The following SH3RF3 variants were observed in gnomAD, a reference collection of about 807,000 sequenced individuals.
SH3RF3 encodes the protein E3 ubiquitin-protein ligase SH3RF3.
Under a neutral mutation model 66.3 loss-of-function variants are expected in SH3RF3, and 29 were observed. The ratio of observed to expected loss-of-function variants is 0.44; its 90% CI spans 0.33 to 0.60. The LOEUF (loss-of-function observed/expected upper bound fraction) is 0.60. Among genes scored for constraint, SH3RF3 ranks in the 20% least tolerant of loss-of-function variants. SH3RF3 has a pLI of 0.04. For missense variants in SH3RF3, 1,194 were observed against 1,190.9 expected (o/e 1.00, Z -0.04); for synonymous variants, 583 against 532.0 (o/e 1.10, Z -1.32).
intron 5 of SH3RF3, among the ~76,000 whole-genome samples, chr2:109,423,137 T>C (rs920741845): frequency 6.6e-6 from 1 of 151,894 alleles, no homozygotes; most frequent in Non-Finnish European, 1.5e-5. Context: ...ACCACCCAGA[T>C]GGCACCTGAG....
chr2:109,406,248 C>T (rs531267416), intron 4 of SH3RF3, among the ~76,000 whole-genome samples: 3 of 152,038 alleles, frequency 2.0e-5, no homozygotes, highest in African/African-American at 7.2e-5. Context: ...AGAGGCCATT[C>T]AGGCCAACTC....
chr2:109,392,318 G>A (rs978679809), intron 3 of SH3RF3, among the ~76,000 whole-genome samples: 3 of 152,216 alleles, frequency 2.0e-5, no homozygotes, highest in Non-Finnish European at 2.9e-5. Flanking sequence ...GAAAAGGGGT[G>A]AGCAGTAGCA....
intron 4 of SH3RF3, among the ~76,000 whole-genome samples, chr2:109,402,875 G>T (rs1676352451): frequency 6.6e-6 from 1 of 152,188 alleles, no homozygotes; most frequent in Non-Finnish European, 1.5e-5. Context: ...CGTTGCACTG[G>T]GTTCTGTAGA....
At chr2:109,454,096 CTTACA>C (rs1188334016) in intron 8 of SH3RF3, among the ~76,000 whole-genome samples, 1 of 152,194 alleles carries the variant, frequency 6.6e-6, no homozygotes, top group Non-Finnish European at 1.5e-5. Flanking sequence ...GTCAGTGCAA[CTTACA>C]TTACATGGTG....
Position 109,490,793 on chromosome 2 carries a change from G to A in SH3RF3, c.2337G>A (p.Glu779=), listed in dbSNP as rs566712871. Residue 779 remains glutamate, a synonymous_variant, in exon 9 of 10, where the codon GAG becomes GAA. Coordinates refer to ENST00000309415, the MANE Select transcript of SH3RF3 (RefSeq NM_001099289.3). ...GCAGGGCAGGGTCCTGCCCCATAGA[G>A]AGCGAGATGCAGGGTGCCATGGGGA... ...IHGRAGSCPI[E]SEMQGAMGME... is the part of the protein sequence containing the mutation. 1 of 1,536,978 alleles carries A rather than the reference G, an allele frequency of 6.5e-7. No individual in the cohort carries two copies. Among genetic ancestry groups the A allele is most frequent in the East Asian group, 2.4e-5 (1 of 40,898 alleles).
chr2:109,375,231 C>T (rs1683353674), intron 3 of SH3RF3, among the ~76,000 whole-genome samples: 1 of 152,254 alleles, frequency 6.6e-6, no homozygotes, highest in Non-Finnish European at 1.5e-5. Flanking sequence ...AGCTCTTCTT[C>T]CCATGGCTCC....
At chr2:109,274,639 A>G (rs1442374372) in intron 1 of SH3RF3, among the ~76,000 whole-genome samples, 7 of 152,248 alleles carry the variant, frequency 4.6e-5, no homozygotes, top group Admixed American at 3.3e-4. Flanking sequence ...AGAGGCGGCA[A>G]TGGAGCAGAA....
chr2:109,453,756 T>C (rs1677956332), intron 8 of SH3RF3, among the ~76,000 whole-genome samples: 1 of 152,196 alleles, frequency 6.6e-6, no homozygotes, highest in Admixed American at 6.5e-5. Context: ...AGGCGATTGA[T>C]TGCAGGAGAG....
At chr2:109,324,872 A>G (rs925621569) in intron 1 of SH3RF3, among the ~76,000 whole-genome samples, 1 of 152,228 alleles carries the variant, frequency 6.6e-6, no homozygotes, top group Non-Finnish European at 1.5e-5. Context: ...ACGCTGGCAC[A>G]CTGTCTCCTG....
At chr2:109,253,501 A>G (rs1012326705) in intron 1 of SH3RF3, among the ~76,000 whole-genome samples, 8 of 152,004 alleles carry the variant, frequency 5.3e-5, no homozygotes, top group Non-Finnish European at 1.2e-4. Flanking sequence ...CAGGCTTGCT[A>G]TTTGTTTTCT....
At chr2:109,482,456 C>G (rs1303860283) in intron 8 of SH3RF3, among the ~76,000 whole-genome samples, 2 of 152,192 alleles carry the variant, frequency 1.3e-5, no homozygotes, top group African/African-American at 4.8e-5. Context: ...CGCAGAACAC[C>G]GTGCTGTGGC....
intron 1 of SH3RF3, among the ~76,000 whole-genome samples, chr2:109,305,880 C>T (rs1295816463): frequency 6.6e-6 from 1 of 152,218 alleles, no homozygotes; most frequent in Non-Finnish European, 1.5e-5. Context: ...AGAGCCCTTT[C>T]CCACACCAGG....
chr2:109,399,234 C>T (rs1012313669), intron 4 of SH3RF3, among the ~76,000 whole-genome samples: 5 of 152,172 alleles, frequency 3.3e-5, no homozygotes, highest in African/African-American at 1.2e-4. Flanking sequence ...ACAAGCTTTT[C>T]CCCGTGTCAG....
intron 1 of SH3RF3, among the ~76,000 whole-genome samples, chr2:109,211,962 C>T (rs1208231643): frequency 6.6e-6 from 1 of 152,188 alleles, no homozygotes; most frequent in East Asian, 1.9e-4. Flanking sequence ...ATTTCTGTTA[C>T]CTCTTTCTAG....
Position 109,129,420 on chromosome 2 carries a change from G to C in SH3RF3, c.-121G>C, listed in dbSNP as rs1355837923. ...CAGCCCTAGCATCGGGCCACCAGCC[G>C]GGGTGAAGAAAGTCACGGCGGAGCC... On this transcript the variant is annotated 5_prime_UTR_variant, in exon 1 of 10. Transcript: ENST00000309415. 2 of 1,461,582 alleles carry C rather than the reference G, an allele frequency of 1.4e-6. No individual in the cohort carries two copies. The highest frequency in any genetic ancestry group is 4.1e-5 in the Admixed American group (2 of 48,286). 90.5% of individuals were successfully genotyped at this position (1,461,582 alleles called of 1,614,324 possible).
intron 1 of SH3RF3, among the ~76,000 whole-genome samples, chr2:109,246,714 CT>C (rs1461061866): frequency 1.3e-5 from 2 of 152,202 alleles, no homozygotes; most frequent in African/African-American, 4.8e-5. Context: ...CTGGATGTCT[CT>C]GCTCAGATGG....
Position 109,503,414 on chromosome 2 carries a change from G to A in SH3RF3, c.*1743G>A, listed in dbSNP as rs1023416528. 1 of 152,078 alleles carries A rather than the reference G, an allele frequency of 6.6e-6. No individual in the cohort carries two copies. The highest frequency in any genetic ancestry group is 2.4e-5 in the African/African-American group (1 of 41,394). The allele number at this position is 152,078 out of a possible 1,614,324, so 9.4% of individuals were successfully genotyped here. A position where few individuals can be genotyped will look rare whatever the true frequency, so the allele number is the denominator to read the frequency against. The stretch of plus-strand genomic sequence containing the variant: ...CTTGGCTACTTGTTACTTCCAGGTG[G>A]TCACCACACGGCGGGGGTCATGCCT... On this transcript the variant is annotated 3_prime_UTR_variant, in exon 10 of 10. Transcript: ENST00000309415.
chr2:109,499,502 G>T (rs1341858147), intron 9 of SH3RF3, among the ~76,000 whole-genome samples: 1 of 152,196 alleles, frequency 6.6e-6, no homozygotes, highest in East Asian at 1.9e-4. Context: ...GGCTGGGGGT[G>T]CAGGGGCCCA....
At chr2:109,417,166 A>C (rs528955822) in intron 4 of SH3RF3, among the ~76,000 whole-genome samples, 67 of 152,166 alleles carry the variant, frequency 4.4e-4, no homozygotes, top group Non-Finnish European at 3.8e-4. Context: ...ACAGTGGAGA[A>C]AGCATCCTCT....
Sources: gnomAD v4.1 joint callset for allele counts (sites outside exome capture counted in the v4.1 genomes callset) on GRCh38, gnomAD v4.1.1 for gene constraint, MANE v1.5 for transcripts, NCBI Gene and HGNC (gene_info 2026-07-23, HGNC 2026-07-21) for gene names.